The following ZFAND3 variants were observed in gnomAD, a reference collection of about 807,000 sequenced individuals.
ZFAND3 encodes AN1-type zinc finger protein 3.
In ZFAND3, 10 loss-of-function variants were observed where a neutral mutation model predicts 29.6. The observed-to-expected ratio is 0.34, with a 90% CI of 0.21 to 0.57. ZFAND3 has a LOEUF of 0.57. ZFAND3 is among the 20% of genes least tolerant of loss of function. ZFAND3 has a pLI of 0.86. For synonymous variants in ZFAND3, 128 were observed against 112.6 expected (o/e 1.14, Z -0.87); for missense variants, 230 against 304.5 (o/e 0.76, Z 1.82).
intron 2 of ZFAND3, among the ~76,000 whole-genome samples, chr6:38,060,554 TC>T (rs1239835132): frequency 6.7e-6 from 1 of 149,806 alleles, no homozygotes; most frequent in Non-Finnish European, 1.5e-5. Flanking sequence ...TCTTTCTTAC[TC>T]CTGGACTCAA....
At chr6:37,916,091 A>G (rs1480696591) in intron 1 of ZFAND3, among the ~76,000 whole-genome samples, 2 of 151,522 alleles carry the variant, frequency 1.3e-5, no homozygotes, top group Non-Finnish European at 2.9e-5. Context: ...TTAACTTAAA[A>G]AAAAAAAAAA....
chr6:37,932,231 T>C (rs924221222), intron 2 of ZFAND3, among the ~76,000 whole-genome samples: 1 of 150,954 alleles, frequency 6.6e-6, no homozygotes, highest in African/African-American at 2.4e-5. Flanking sequence ...ATCACGCCAC[T>C]GCACTCCAGC....
intron 5 of ZFAND3, among the ~76,000 whole-genome samples, chr6:38,135,470 C>T (rs755750975): frequency 2.6e-5 from 4 of 152,162 alleles, no homozygotes; most frequent in Non-Finnish European, 4.4e-5. Flanking sequence ...TGAGGCCGGC[C>T]GTGGTGGCTC....
chr6:37,875,836 T>TA (rs59128997), intron 1 of ZFAND3, among the ~76,000 whole-genome samples: 32,253 of 151,056 alleles, frequency 0.21, 4,232 homozygotes, highest in African/African-American at 0.36. Context: ...TTTTTGATTT[T>TA]TTTTTTTTTT....
chr6:38,118,463 T>C (rs374547151), intron 5 of ZFAND3, among the ~76,000 whole-genome samples: 6 of 152,146 alleles, frequency 3.9e-5, no homozygotes, highest in African/African-American at 1.4e-4. Flanking sequence ...CGTAGGCTTT[T>C]GGTTGTTCCT....
Position 37,910,899 on chromosome 6 carries a change from A to G in ZFAND3, c.72-19060A>G, listed in dbSNP as rs549380865. On this transcript the variant is annotated intron_variant, in intron 1 of 5. Transcript: ENST00000287218. Reference sequence around the variant, plus strand: ...ATTTCCTTCTCTTTTAAGGCTTAATAGTATTCCGTTGTGTTTATATGTCAC... The same window carrying G: ...ATTTCCTTCTCTTTTAAGGCTTAATGGTATTCCGTTGTGTTTATATGTCAC... 1.2e-3 allele frequency among the ~76,000 whole-genome samples: 184 copies of G among 152,306 alleles called. 1 individual carries two copies. The South Asian group carries it at 0.013, about 11-fold the overall frequency.
intron 1 of ZFAND3, among the ~76,000 whole-genome samples, chr6:37,875,239 T>C (rs1764770478): frequency 6.6e-6 from 1 of 152,180 alleles, no homozygotes; most frequent in Admixed American, 6.5e-5. Flanking sequence ...TTGGAGATAT[T>C]TTTGGGAGTG....
chr6:37,975,703 T>A (rs1191993052), intron 2 of ZFAND3, among the ~76,000 whole-genome samples: 2 of 152,198 alleles, frequency 1.3e-5, no homozygotes, highest in Admixed American at 1.3e-4. Context: ...TGTCCATATA[T>A]GTGGGGGTTT....
intron 3 of ZFAND3, among the ~76,000 whole-genome samples, chr6:38,065,119 C>A (rs1179072979): frequency 2.0e-5 from 3 of 152,100 alleles, no homozygotes; most frequent in African/African-American, 7.2e-5. Context: ...GAGATCAAGA[C>A]CATCCTGGCC....
At chr6:38,090,454 G>A (rs189384737) in intron 4 of ZFAND3, among the ~76,000 whole-genome samples, 1 of 152,118 alleles carries the variant, frequency 6.6e-6, no homozygotes, top group East Asian at 1.9e-4. Context: ...CATCATCTTG[G>A]GTCCTGAAGG....
At chr6:37,999,417 G>A (rs1179222028) in intron 2 of ZFAND3, among the ~76,000 whole-genome samples, 2 of 152,216 alleles carry the variant, frequency 1.3e-5, no homozygotes, top group Non-Finnish European at 2.9e-5. Context: ...TGTGGGCTGT[G>A]CTGTGACTTC....
At chr6:37,856,884 G>T (rs1327480347) in intron 1 of ZFAND3, among the ~76,000 whole-genome samples, 2 of 151,740 alleles carry the variant, frequency 1.3e-5, no homozygotes, top group Non-Finnish European at 2.9e-5. Flanking sequence ...TATTAAAAAA[G>T]CTGACAACCC....
intron 1 of ZFAND3, among the ~76,000 whole-genome samples, chr6:37,869,461 ATT>A (rs1764651389): frequency 6.7e-6 from 1 of 150,340 alleles, no homozygotes; most frequent in South Asian, 2.1e-4. Context: ...CCTGGCCGTT[ATT>A]TTGTCTTTCA....
chr6:38,042,134 A>C (rs192061831), intron 2 of ZFAND3, among the ~76,000 whole-genome samples: 74 of 151,040 alleles, frequency 4.9e-4, no homozygotes, highest in African/African-American at 1.8e-3. Context: ...TGCCTGGCCT[A>C]ATATATATCT....
chr6:37,967,577 T>G (rs1324465024), intron 2 of ZFAND3, among the ~76,000 whole-genome samples: 1 of 152,218 alleles, frequency 6.6e-6, no homozygotes, highest in African/African-American at 2.4e-5. Flanking sequence ...TACCTATATT[T>G]TCTATGTTTA....
At chr6:37,901,211 G>T (rs1275495777) in intron 1 of ZFAND3, among the ~76,000 whole-genome samples, 1 of 152,098 alleles carries the variant, frequency 6.6e-6, no homozygotes, top group African/African-American at 2.4e-5. Flanking sequence ...TTCTATAATC[G>T]TATATTCCTA....
At chr6:38,129,930 A>G in intron 5 of ZFAND3, among the ~76,000 whole-genome samples, 1 of 151,956 alleles carries the variant, frequency 6.6e-6, no homozygotes, top group East Asian at 1.9e-4. Context: ...TTTTCACAAT[A>G]TTGATTCTAC....
At chr6:37,885,291 C>G (rs1047345293) in intron 1 of ZFAND3, among the ~76,000 whole-genome samples, 10 of 152,112 alleles carry the variant, frequency 6.6e-5, no homozygotes, top group South Asian at 2.1e-4. Flanking sequence ...GATTTGGAGT[C>G]ACAAGACTTG....
intron 1 of ZFAND3, among the ~76,000 whole-genome samples, chr6:37,847,296 C>G (rs1212848359): frequency 6.6e-6 from 1 of 152,040 alleles, no homozygotes; most frequent in East Asian, 1.9e-4. Flanking sequence ...CATCAATCGG[C>G]CGGGTGTGGT....
Sources: allele counts gnomAD v4.1 joint callset (sites outside exome capture counted in the v4.1 genomes callset), GRCh38; gene constraint gnomAD v4.1.1; transcripts MANE v1.5; gene names NCBI Gene and HGNC (gene_info 2026-07-23, HGNC 2026-07-21).